Variants in UNC5D observed in about 807,000 individuals in gnomAD.
UNC5D encodes the protein unc-5 netrin receptor D.
In UNC5D, 39 loss-of-function variants were observed where a neutral mutation model predicts 105.4. The ratio of observed to expected loss-of-function variants is 0.37; its 90% CI spans 0.29 to 0.48. UNC5D has a LOEUF of 0.48. Among genes scored for constraint, UNC5D ranks in the 20% least tolerant of loss-of-function variants. The pLI, the probability that UNC5D is intolerant of heterozygous loss-of-function variation, is 0.98. For synonymous variants in UNC5D, 452 were observed against 450.4 expected, an observed-to-expected ratio of 1.00 and a Z score of -0.04; for missense variants, 991 against 1,202.4, an observed-to-expected ratio of 0.82 and a Z score of 2.60.
chr8:35,734,111 CAT>C (rs2131584307), intron 11 of UNC5D, among the ~76,000 whole-genome samples: 1 of 151,980 alleles, frequency 6.6e-6, no homozygotes, highest in South Asian at 2.1e-4. Flanking sequence ...CCATTTATAA[CAT>C]AGAAGATATT....
chr8:35,293,154 G>C (rs1201597193), intron 1 of UNC5D, among the ~76,000 whole-genome samples: 2 of 152,300 alleles, frequency 1.3e-5, no homozygotes, highest in East Asian at 3.9e-4. Flanking sequence ...AGGAAGATGA[G>C]GGTTTGCTCT....
At chr8:35,517,330 T>C (rs369964411) in intron 1 of UNC5D, among the ~76,000 whole-genome samples, 2 of 152,196 alleles carry the variant, frequency 1.3e-5, no homozygotes, top group African/African-American at 4.8e-5. Flanking sequence ...AGGAACCAAT[T>C]ATCCTTGCTG....
chr8:35,256,666 T>C (rs1385379749), intron 1 of UNC5D: 4 of 151,770 alleles, frequency 2.6e-5, no homozygotes. Context: ...TTCCAAGAAG[T>C]GGAGCAGGAA....
Position 35,472,715 on chromosome 8 carries a change from T to C in UNC5D, c.104-76577T>C, listed in dbSNP as rs1232986751. On this transcript the variant is annotated intron_variant, in intron 1 of 16. Transcript: ENST00000404895. Reference sequence around the variant, plus strand: ...CCTGAACGGAGAATCCTGTTGAAGCTCAAAAGAGGAAAAGTGAGTTACTTA... The same window carrying C: ...CCTGAACGGAGAATCCTGTTGAAGCCCAAAAGAGGAAAAGTGAGTTACTTA... Among the ~76,000 whole-genome samples, 122 of 152,056 alleles carry C rather than the reference T, an allele frequency of 8.0e-4. 2 individuals carry two copies. The highest frequency in any genetic ancestry group is 7.9e-3 in the Admixed American group (121 of 15,260).
intron 1 of UNC5D, among the ~76,000 whole-genome samples, chr8:35,489,635 A>G (rs1811072654): frequency 6.6e-6 from 1 of 152,216 alleles, no homozygotes; most frequent in African/African-American, 2.4e-5. Context: ...GAAACTAAGT[A>G]TCTGTTGTTT....
chr8:35,398,053 A>C (rs951073418), intron 1 of UNC5D, among the ~76,000 whole-genome samples: 12 of 152,212 alleles, frequency 7.9e-5, no homozygotes, highest in Non-Finnish European at 1.5e-4. Context: ...GAACAAACTA[A>C]TTCATACATA....
At chr8:35,265,467 G>A (rs1804796517) in intron 1 of UNC5D, among the ~76,000 whole-genome samples, 1 of 152,146 alleles carries the variant, frequency 6.6e-6, no homozygotes, top group Non-Finnish European at 1.5e-5. Flanking sequence ...CTGTCACTAG[G>A]TTCCAATAAA....
chr8:35,237,436 T>C (rs1010427160), intron 1 of UNC5D, among the ~76,000 whole-genome samples: 1 of 152,142 alleles, frequency 6.6e-6, no homozygotes, highest in African/African-American at 2.4e-5. Flanking sequence ...TCTAAATGTC[T>C]GAGTTTCCAC....
intron 15 of UNC5D, among the ~76,000 whole-genome samples, chr8:35,768,295 C>A (rs1337296174): frequency 1.3e-5 from 2 of 152,010 alleles, no homozygotes; most frequent in African/African-American, 4.8e-5. Context: ...GCAGTATTTG[C>A]GTTCATTATT....
intron 1 of UNC5D, among the ~76,000 whole-genome samples, chr8:35,320,234 AG>A (rs1298447240): frequency 2.0e-5 from 3 of 152,002 alleles, no homozygotes; most frequent in Non-Finnish European, 4.4e-5. Context: ...TCCAGGTTAT[AG>A]GTGGTTCAAA....
At position 35,595,543 on chromosome 8, in the gene UNC5D, C is replaced by T; in HGVS notation, c.467-11C>T. On this transcript the variant is annotated splice_polypyrimidine_tract_variant and intron_variant, in intron 3 of 16. Coordinates refer to ENST00000404895, the MANE Select transcript of UNC5D (RefSeq NM_080872.4). ...GAAACAAAGTGTCACCTATCTCATG[C>T]TTCTTTGCAGATTTACGGAAAAACT... The T allele has an allele frequency of 6.2e-7, 1 of 1,612,920 alleles. No homozygotes were observed. Among genetic ancestry groups the T allele is most frequent in the South Asian group, 1.1e-5 (1 of 91,046 alleles).
chr8:35,722,481 G>A, intron 9 of UNC5D, 86 bp downstream of exon 9: 2 of 1,497,136 alleles, frequency 1.3e-6, no homozygotes, highest in African/African-American at 2.8e-5. Flanking sequence ...TGGGCCCTGT[G>A]TGAAGGTAGC....
At chr8:35,391,903 T>C (rs1803802713) in intron 1 of UNC5D, among the ~76,000 whole-genome samples, 2 of 152,204 alleles carry the variant, frequency 1.3e-5, no homozygotes, top group African/African-American at 2.4e-5. Flanking sequence ...ACAAACATTT[T>C]CTTTTTGCTT....
At chr8:35,398,212 C>T (rs1330192252) in intron 1 of UNC5D, among the ~76,000 whole-genome samples, 1 of 152,162 alleles carries the variant, frequency 6.6e-6, no homozygotes, top group African/African-American at 2.4e-5. Context: ...AGTTCAACAA[C>T]TGTAACCTGG....
intron 14 of UNC5D, among the ~76,000 whole-genome samples, chr8:35,762,897 G>A (rs1425011397): frequency 2.0e-5 from 3 of 152,166 alleles, no homozygotes; most frequent in Non-Finnish European, 2.9e-5. Flanking sequence ...GCTAAGATAT[G>A]ATTTACATTC....
intron 1 of UNC5D, among the ~76,000 whole-genome samples, chr8:35,374,723 T>C (rs933317523): frequency 1.3e-5 from 2 of 152,246 alleles, no homozygotes; most frequent in Non-Finnish European, 2.9e-5. Flanking sequence ...AGGATCTTCA[T>C]TGGTTCAGAC....
At chr8:35,324,416 A>G (rs538255404) in intron 1 of UNC5D, among the ~76,000 whole-genome samples, 59 of 133,646 alleles carry the variant, frequency 4.4e-4, no homozygotes, top group African/African-American at 1.5e-3. Flanking sequence ...GTTGTTCATT[A>G]TGTCATTTCC....
chr8:35,276,502 A>G (rs1168777092), intron 1 of UNC5D, among the ~76,000 whole-genome samples: 1 of 152,248 alleles, frequency 6.6e-6, no homozygotes, highest in Non-Finnish European at 1.5e-5. Flanking sequence ...AGTCATCAGC[A>G]TGGCTGTACA....
At position 35,235,772 on chromosome 8, in the gene UNC5D, C is replaced by CGCGGCGAGGAGCATGGGGAGAGCG. The variant is rs1802413404; in HGVS notation, c.-7_17dup. The CGCGGCGAGGAGCATGGGGAGAGCG allele has an allele frequency of 8.1e-7, 1 of 1,229,608 alleles. No homozygotes were observed. Among genetic ancestry groups the CGCGGCGAGGAGCATGGGGAGAGCG allele is most frequent in the Admixed American group, 4.2e-5 (1 of 23,572 alleles). 76.2% of individuals were successfully genotyped at this position (1,229,608 alleles called of 1,614,324 possible). A position where few individuals can be genotyped will look rare whatever the true frequency, so the allele number is the denominator to read the frequency against. On this transcript the variant is annotated 5_prime_UTR_variant, in exon 1 of 17. It adds an upstream start codon to the 5' untranslated region. Transcript: ENST00000404895. ...CGTGAAGAAGAGCCGCCCTCCGGAA[C>CGCGGCGAGGAGCATGGGGAGAGCG]GCGGCGAGGAGCATGGGGAGAGCGG...
Sources: allele counts gnomAD v4.1 joint callset (sites outside exome capture counted in the v4.1 genomes callset), GRCh38; gene constraint gnomAD v4.1.1; transcripts MANE v1.5; gene names NCBI Gene and HGNC (gene_info 2026-07-23, HGNC 2026-07-21).